TMEM131: variants seen among roughly 807,000 people sequenced by gnomAD.
TMEM131 encodes 2610524E03Rik.
Under a neutral mutation model 211.6 loss-of-function variants are expected in TMEM131, and 66 were observed. That is an observed-to-expected ratio of 0.31 (90% confidence interval 0.26 to 0.38). The LOEUF is 0.38. Ranked by LOEUF, TMEM131 falls within the 10% of genes least tolerant of loss-of-function variation. TMEM131 has a pLI of 1.00. For synonymous variants in TMEM131, 844 were observed against 841.3 expected (o/e 1.00, Z -0.06); for missense variants, 2,036 against 2,299.3 (o/e 0.89, Z 2.34).
At chr2:97,867,136 T>C (rs1236360339) in intron 4 of TMEM131, among the ~76,000 whole-genome samples, 2 of 152,246 alleles carry the variant, frequency 1.3e-5, no homozygotes, top group African/African-American at 4.8e-5. Context: ...ACATTCTACA[T>C]ATGCCTGAGC....
chr2:97,905,386 C>T (rs1027179680), intron 3 of TMEM131, among the ~76,000 whole-genome samples: 2 of 152,096 alleles, frequency 1.3e-5, no homozygotes, highest in Admixed American at 1.3e-4. Flanking sequence ...GACTGATTTT[C>T]GACAACTTGA....
intron 7 of TMEM131, among the ~76,000 whole-genome samples, chr2:97,838,149 A>T (rs1683017336): frequency 6.6e-6 from 1 of 152,190 alleles, no homozygotes; most frequent in Admixed American, 6.5e-5. Flanking sequence ...ATTAAAGAGA[A>T]AGCTGCTGTG....
intron 1 of TMEM131, among the ~76,000 whole-genome samples, chr2:97,985,403 C>A (rs2104659393): frequency 6.6e-6 from 1 of 151,368 alleles, no homozygotes; most frequent in Non-Finnish European, 1.5e-5. Context: ...GAAAGACAAA[C>A]AAAATGGAAA....
chr2:97,978,204 G>A (rs1174973112), intron 1 of TMEM131, among the ~76,000 whole-genome samples: 1 of 152,182 alleles, frequency 6.6e-6, no homozygotes, highest in Non-Finnish European at 1.5e-5. Context: ...ACCCACAGAA[G>A]AACTTATTTC....
intron 5 of TMEM131, among the ~76,000 whole-genome samples, chr2:97,845,058 G>A (rs2105113697): frequency 6.6e-6 from 1 of 151,550 alleles, no homozygotes; most frequent in East Asian, 1.9e-4. Flanking sequence ...CAACAAAAGA[G>A]TAACTTACAA....
chr2:97,891,318 C>T (rs558731701), intron 3 of TMEM131, among the ~76,000 whole-genome samples: 2 of 152,238 alleles, frequency 1.3e-5, no homozygotes, highest in African/African-American at 4.8e-5. Context: ...AAGCTGGTCT[C>T]AAACTCCTGT....
rs550465474 is a variant in TMEM131, at chr2:97,991,657, C to T, written c.187+3819G>A. Among the ~76,000 whole-genome samples the T allele has an allele frequency of 3.3e-5, 5 of 152,034 alleles. No homozygotes were observed. In the South Asian group the frequency reaches 1.0e-3, roughly 32 times the overall value. On this transcript the variant is annotated intron_variant, in intron 1 of 40. Coordinates refer to ENST00000186436, the MANE Select transcript of TMEM131 (RefSeq NM_015348.2). ...CCAGAACCGAGAAGTACAGAGTCAC[C>T]GAAACAATGCCAGATGCTGCTTACA...
intron 4 of TMEM131, among the ~76,000 whole-genome samples, chr2:97,862,130 G>A (rs1207715401): frequency 6.6e-6 from 1 of 152,200 alleles, no homozygotes; most frequent in Non-Finnish European, 1.5e-5. Context: ...AGACCACCAA[G>A]ATGGTACTTC....
At chr2:97,946,598 A>C (rs1678055216) in intron 1 of TMEM131, among the ~76,000 whole-genome samples, 1 of 152,042 alleles carries the variant, frequency 6.6e-6, no homozygotes, top group South Asian at 2.1e-4. Context: ...TTGTAGTTAA[A>C]ATCTTCTCAC....
intron 3 of TMEM131, among the ~76,000 whole-genome samples, chr2:97,891,964 T>C (rs1675393694): frequency 6.6e-6 from 1 of 152,152 alleles, no homozygotes; most frequent in Non-Finnish European, 1.5e-5. Flanking sequence ...GGGAAGGAAG[T>C]GCCTTAACCA....
intron 40 of TMEM131, among the ~76,000 whole-genome samples, chr2:97,758,519 T>C (rs1047049337): frequency 1.1e-4 from 16 of 152,320 alleles, no homozygotes; most frequent in East Asian, 3.9e-4. Flanking sequence ...GTGGCTGCAT[T>C]GCACAGATGC....
chr2:97,904,676 T>C (rs1675994063), intron 3 of TMEM131, among the ~76,000 whole-genome samples: 1 of 152,212 alleles, frequency 6.6e-6, no homozygotes, highest in Admixed American at 6.5e-5. Flanking sequence ...TATTGCCATT[T>C]GTTTTCTATT....
intron 4 of TMEM131, among the ~76,000 whole-genome samples, chr2:97,880,499 C>A (rs1371969290): frequency 6.6e-6 from 1 of 152,042 alleles, no homozygotes; most frequent in East Asian, 1.9e-4. Flanking sequence ...AGGATTAGAG[C>A]AGAACAGACA....
intron 32 of TMEM131, 41 bp from the exon 33 acceptor site, chr2:97,772,465 A>C (rs767122417): frequency 1.9e-6 from 3 of 1,581,992 alleles, no homozygotes; most frequent in Non-Finnish European, 8.6e-7. Context: ...AGGATTAATA[A>C]AATGACTGAA....
chr2:97,792,639 C>A lies in TMEM131; in HGVS notation c.3891G>T (p.Pro1297=). 2.5e-6 allele frequency: 4 copies of A among 1,613,422 alleles called. No homozygotes were observed. Among genetic ancestry groups the A allele is most frequent in the South Asian group, 2.2e-5 (2 of 90,994 alleles). Reference sequence around the variant, plus strand: ...GAGGAGGCTGAGGGTGCTGCTCCAGCGGGCTGTGGGCATGGTGCTGGCTGC... The same window carrying A: ...GAGGAGGCTGAGGGTGCTGCTCCAGAGGGCTGTGGGCATGGTGCTGGCTGC... ...QHGSQHHAHS[P]LEQHPQPPLP... The change falls in exon 31 of 41, where the codon CCG becomes CCT. Residue 1297 remains proline, a synonymous_variant. Coordinates refer to ENST00000186436, the MANE Select transcript of TMEM131 (RefSeq NM_015348.2).
chr2:97,766,188 G>A lies in TMEM131; in HGVS notation c.4649C>T (p.Thr1550Ile), dbSNP rs1396661245. Reference protein sequence around the residue: ...FLPNSQELGNTSSSEGEKDSP... With the variant: ...FLPNSQELGNISSSEGEKDSP... The stretch of plus-strand genomic sequence containing the variant: ...GTCTTTTTCACCCTCTGAGCTACTG[G>A]TGTTGCCTAATTCTTGACTATTCGG... Residue 1550 changes from threonine to isoleucine, a missense_variant, in exon 35 of 41, where the codon ACC (threonine) becomes ATC (isoleucine). By Grantham distance (89) the Thr-to-Ile change is moderately conservative. Transcript: ENST00000186436. 1 of 1,614,070 alleles carries A rather than the reference G, an allele frequency of 6.2e-7. No individual in the cohort carries two copies. The highest frequency in any genetic ancestry group is 8.5e-7 in the Non-Finnish European group (1 of 1,179,908).
chr2:97,966,312 G>A (rs185880508), intron 1 of TMEM131, among the ~76,000 whole-genome samples: 204 of 151,176 alleles, frequency 1.3e-3, no homozygotes, highest in Non-Finnish European at 2.3e-3. Flanking sequence ...AGTCTGGAAG[G>A]GACAATTTCT....
chr2:97,805,029 T>A, intron 22 of TMEM131, 59 bp downstream of exon 22: 2 of 1,150,782 alleles, frequency 1.7e-6, no homozygotes, highest in Non-Finnish European at 2.4e-6. Context: ...TTAGAAAGCA[T>A]TATGTTTCAA....
intron 2 of TMEM131, among the ~76,000 whole-genome samples, chr2:97,909,241 G>A (rs1676198506): frequency 6.6e-6 from 1 of 152,180 alleles, no homozygotes; most frequent in African/African-American, 2.4e-5. Flanking sequence ...ATTAAAAAAA[G>A]CAGTGTGGCA....
Sources: gnomAD v4.1 joint callset for allele counts (sites outside exome capture counted in the v4.1 genomes callset) on GRCh38, gnomAD v4.1.1 for gene constraint, MANE v1.5 for transcripts, NCBI Gene and HGNC (gene_info 2026-07-23, HGNC 2026-07-21) for gene names.